The following EBPL variants were observed in gnomAD, a reference collection of about 807,000 sequenced individuals.
EBPL encodes emopamil-binding protein-like.
Under a neutral mutation model 19.0 loss-of-function variants are expected in EBPL, and 20 were observed. That is an observed-to-expected ratio of 1.05 (90% CI 0.74 to 1.53). The LOEUF (loss-of-function observed/expected upper bound fraction) is 1.53. Among genes scored for constraint, EBPL ranks in the 40% most tolerant of loss-of-function variants. EBPL has a pLI of 0.00. For synonymous variants in EBPL, 107 were observed against 117.0 expected (o/e 0.91, Z 0.55); for missense variants, 219 against 261.1 (o/e 0.84, Z 1.11).
Position 49,669,857 on chromosome 13 carries a change from G to A in EBPL, c.172-11C>T, listed in dbSNP as rs375011290. The A allele has an allele frequency of 1.2e-6, 2 of 1,607,482 alleles. No homozygotes were observed. The highest frequency in any genetic ancestry group is 2.7e-5 in the African/African-American group (2 of 74,742). ...GACAAAAGGGCCTTCCTAGAGAGGA[G>A]AAAATGAAGACATGCTCTAATACAG... On this transcript the variant is annotated splice_polypyrimidine_tract_variant and intron_variant, in intron 1 of 3. Coordinates refer to ENST00000242827, the MANE Select transcript of EBPL (RefSeq NM_032565.5).
chr13:49,669,916 G>A (rs1394109093), intron 1 of EBPL, 70 bp from the exon 2 acceptor site: 1 of 1,181,052 alleles, frequency 8.5e-7, no homozygotes, highest in African/African-American at 1.5e-5. Flanking sequence ...GTAGACACAT[G>A]GCATTGCCTG....
At chr13:49,686,766 A>G (rs773760656) in intron 1 of EBPL, among the ~76,000 whole-genome samples, 2 of 151,682 alleles carry the variant, frequency 1.3e-5, no homozygotes, top group Non-Finnish European at 2.9e-5. Flanking sequence ...CTCCAACTCA[A>G]TTTACATTTT....
At chr13:49,677,946 G>A (rs1365495201) in intron 1 of EBPL, among the ~76,000 whole-genome samples, 7 of 152,178 alleles carry the variant, frequency 4.6e-5, no homozygotes, top group South Asian at 2.1e-4. Context: ...GCTCACAAAG[G>A]CAATGCGGAC....
chr13:49,687,220 T>C (rs1954008231), intron 1 of EBPL, among the ~76,000 whole-genome samples: 1 of 152,208 alleles, frequency 6.6e-6, no homozygotes. Flanking sequence ...CCCAAGATCA[T>C]GTCCACCCCC....
chr13:49,688,551 CTACAAAAAA>C (rs1555301965), intron 1 of EBPL, among the ~76,000 whole-genome samples: 3 of 151,866 alleles, frequency 2.0e-5, no homozygotes, highest in Non-Finnish European at 4.4e-5. Context: ...AACCCCGTCT[CTACAAAAAA>C]TACAAAAAAT....
chr13:49,660,769 CTT>C lies in EBPL; in HGVS notation c.*197_*198del, dbSNP rs759822056. ...ATTATTACAAATTCAAATTTGTTCT[CTT>C]TTCCCTATATCACCATTTAATTGAA... On this transcript the variant is annotated 3_prime_UTR_variant, in exon 4 of 4. Transcript: ENST00000242827. 1.4e-5 allele frequency: 7 copies of C among 483,104 alleles called. No homozygotes were observed. The highest frequency in any genetic ancestry group is 3.8e-5 in the Admixed American group (1 of 26,172). 29.9% of individuals were successfully genotyped at this position (483,104 alleles called of 1,614,324 possible). A position where few individuals can be genotyped will look rare whatever the true frequency, so the allele number is the denominator to read the frequency against.
At chr13:49,667,196 C>A (rs1594405843) in intron 2 of EBPL, among the ~76,000 whole-genome samples, 1 of 152,278 alleles carries the variant, frequency 6.6e-6, no homozygotes, top group African/African-American at 2.4e-5. Flanking sequence ...TCCTCTACTG[C>A]TAAACTTTAA....
chr13:49,690,418 CAAAA>C lies in EBPL; in HGVS notation c.171+832_171+835del, dbSNP rs33964235. Reference sequence around the variant, plus strand: ...CTAGAGTTAAACAAGGTCAACTTTACAAAAAAAAAAAAAAACAAACTGATACTTG... The same window carrying C: ...CTAGAGTTAAACAAGGTCAACTTTACAAAAAAAAAAACAAACTGATACTTG... On this transcript the variant is annotated intron_variant, in intron 1 of 3. Transcript: ENST00000242827. Among the ~76,000 whole-genome samples the C allele has an allele frequency of 8.7e-3, 772 of 88,234 alleles. 4 individuals carry two copies. Among genetic ancestry groups the C allele is most frequent in the African/African-American group, 0.039 (726 of 18,438 alleles). 57.9% of individuals were successfully genotyped at this position (88,234 alleles called of 152,430 possible).
intron 3 of EBPL, chr13:49,661,975 T>C: frequency 6.9e-7 from 1 of 1,457,040 alleles, no homozygotes; most frequent in East Asian, 2.5e-5. Flanking sequence ...AGTCTCTGAG[T>C]CTGATAGGAT....
intron 2 of EBPL, among the ~76,000 whole-genome samples, chr13:49,663,857 G>A (rs909843598): frequency 3.3e-5 from 5 of 152,040 alleles, no homozygotes; most frequent in South Asian, 2.1e-4. Flanking sequence ...CCCAGGAGGC[G>A]GAGCTTGCAG....
At chr13:49,674,442 C>T (rs573624893) in intron 1 of EBPL, among the ~76,000 whole-genome samples, 11 of 152,196 alleles carry the variant, frequency 7.2e-5, no homozygotes, top group South Asian at 6.2e-4. Context: ...ATGTTAGCAT[C>T]GTGGAAACCT....
intron 1 of EBPL, among the ~76,000 whole-genome samples, chr13:49,681,389 C>T (rs1351430589): frequency 6.6e-6 from 1 of 152,178 alleles, no homozygotes; most frequent in African/African-American, 2.4e-5. Flanking sequence ...CTCCCAGGTT[C>T]AAGCAATTCT....
Position 49,691,392 on chromosome 13 carries a change from A to C in EBPL, c.33T>G (p.Ala11=). The change falls in exon 1 of 4, where the codon GCT becomes GCG. Residue 11 remains alanine, a synonymous_variant. Coordinates refer to ENST00000242827, the MANE Select transcript of EBPL (RefSeq NM_032565.5). ...CGGCGCACAGCAGCAGCGAACCGCC[A>C]GCCTCGGCCCCCAGCTCCCACTCAG... MGAEWELGAE[A]GGSLLLCAAL... is the part of the protein sequence containing the mutation. 1 of 1,365,452 alleles carries C rather than the reference A, an allele frequency of 7.3e-7. No homozygotes were observed. The allele number at this position is 1,365,452 out of a possible 1,614,324, so 84.6% of individuals were successfully genotyped here. A position where few individuals can be genotyped will look rare whatever the true frequency, so the allele number is the denominator to read the frequency against.
At chr13:49,675,877 TG>T (rs890972723) in intron 1 of EBPL, among the ~76,000 whole-genome samples, 11 of 93,710 alleles carry the variant, frequency 1.2e-4, no homozygotes, top group Admixed American at 7.2e-4. Flanking sequence ...TTGTTGTTAT[TG>T]TTTTTTTTTT....
intron 1 of EBPL, among the ~76,000 whole-genome samples, chr13:49,684,383 G>A (rs1167398885): frequency 6.6e-5 from 10 of 152,168 alleles, no homozygotes; most frequent in Non-Finnish European, 1.5e-4. Context: ...AAATACAAAG[G>A]AGAGAGGCCA....
intron 1 of EBPL, among the ~76,000 whole-genome samples, chr13:49,676,375 A>T (rs9591291): frequency 0.16 from 24,945 of 152,030 alleles, 2,222 homozygotes; most frequent in South Asian, 0.26. Flanking sequence ...ACGGACCACA[A>T]GGTCAGGAGA....
chr13:49,684,860 A>G (rs1953980771), intron 1 of EBPL, among the ~76,000 whole-genome samples: 2 of 152,238 alleles, frequency 1.3e-5, no homozygotes, highest in African/African-American at 4.8e-5. Context: ...CTATAAAGTT[A>G]AGAAAACCAC....
chr13:49,682,452 T>C (rs1339874874), intron 1 of EBPL, among the ~76,000 whole-genome samples: 2 of 152,208 alleles, frequency 1.3e-5, no homozygotes, highest in Non-Finnish European at 2.9e-5. Flanking sequence ...GGGTATGGAA[T>C]ATGGCAAGGA....
At chr13:49,690,764 G>C (rs1375261244) in intron 1 of EBPL, among the ~76,000 whole-genome samples, 1 of 152,160 alleles carries the variant, frequency 6.6e-6, no homozygotes, top group Admixed American at 6.5e-5. Flanking sequence ...GTAAAGATCT[G>C]AAATTTTAAA....
Sources: gnomAD v4.1 joint callset for allele counts (sites outside exome capture counted in the v4.1 genomes callset) on GRCh38, gnomAD v4.1.1 for gene constraint, MANE v1.5 for transcripts, NCBI Gene and HGNC (gene_info 2026-07-23, HGNC 2026-07-21) for gene names.